Variants in ATAT1 observed in about 807,000 individuals in gnomAD.
The protein encoded by ATAT1 is alpha tubulin acetyltransferase 1.
In ATAT1, 42 loss-of-function variants were observed where a neutral mutation model predicts 57.2. The ratio of observed to expected loss-of-function variants is 0.73; its 90% confidence interval spans 0.57 to 0.95. The LOEUF is 0.95. Among genes scored for constraint, ATAT1 ranks in the 40% least tolerant of loss-of-function variants. The pLI is 0.00. For missense variants in ATAT1, 454 were observed against 523.7 expected (o/e 0.87, Z 1.30); for synonymous variants, 168 against 187.1 (o/e 0.90, Z 0.83).
intron 6 of ATAT1, among the ~76,000 whole-genome samples, 197 bp from the exon 7 acceptor site, chr6:30,640,180 C>G (rs1342988997): frequency 6.6e-6 from 1 of 151,696 alleles, no homozygotes; most frequent in Non-Finnish European, 1.5e-5. Context: ...AGTACAGTAA[C>G]ATGCTGTACA....
intron 10 of ATAT1, chr6:30,644,778 C>G: frequency 7.5e-6 from 3 of 401,918 alleles, no homozygotes; most frequent in Non-Finnish European, 1.0e-5. Flanking sequence ...ATCTTTTACC[C>G]AGGAGCCTCA....
chr6:30,643,877 T>G, intron 10 of ATAT1: 1 of 1,249,724 alleles, frequency 8.0e-7, no homozygotes, highest in Admixed American at 3.6e-5. Flanking sequence ...AAGCACACTC[T>G]TGCTTGCTGT....
intron 6 of ATAT1, among the ~76,000 whole-genome samples, chr6:30,628,832 T>C (rs2127483538): frequency 6.6e-6 from 1 of 152,128 alleles, no homozygotes; most frequent in South Asian, 2.1e-4. Context: ...CTCAAACTCC[T>C]GACCTTGTGA....
intron 6 of ATAT1, among the ~76,000 whole-genome samples, chr6:30,631,281 A>G (rs900760599): frequency 2.6e-4 from 40 of 152,076 alleles, no homozygotes; most frequent in African/African-American, 9.6e-4. Context: ...CAGGAGATCT[A>G]GACCATCCTG....
At chr6:30,628,191 T>C in intron 5 of ATAT1, 46 bp downstream of exon 5, 1 of 1,564,696 alleles carries the variant, frequency 6.4e-7, no homozygotes, top group Non-Finnish European at 8.8e-7. Flanking sequence ...GGGGCTCCTT[T>C]GCCCTGAGCC....
At chr6:30,642,333 C>A in intron 9 of ATAT1, 86 bp downstream of exon 9, 5 of 1,570,348 alleles carry the variant, frequency 3.2e-6, no homozygotes, top group East Asian at 2.3e-5. Context: ...GGAAAGGATT[C>A]GTTCTCTCTA....
In ATAT1 at chr6:30,642,833, G is replaced by GGCCCCCCCCCCCCCCCCCCCCC; in HGVS notation, c.754_755insGCCCCCCCCCCCCCCCCCCCCC (p.Ala252GlyfsTer55). 2.0e-6 allele frequency: 3 copies of GGCCCCCCCCCCCCCCCCCCCCC among 1,537,858 alleles called. No individual in the cohort carries two copies. The highest frequency in any genetic ancestry group is 2.6e-6 in the Non-Finnish European group (3 of 1,145,768). ...GGCCCCTCGCCGCGCCACACCTCCA[G>GGCCCCCCCCCCCCCCCCCCCCC]CCCACCCACCCCCCCGCTCCAGCAG... is the stretch of plus-strand genomic sequence containing the variant. On this transcript the variant is annotated frameshift_variant, in exon 10 of 13. Coordinates refer to ENST00000330083, the MANE Select transcript of ATAT1 (RefSeq NM_001031722.4). LOFTEE classifies it high-confidence loss of function.
chr6:30,630,810 C>T (rs1472681754), intron 6 of ATAT1, among the ~76,000 whole-genome samples: 5 of 145,414 alleles, frequency 3.4e-5, no homozygotes, highest in South Asian at 2.2e-4. Flanking sequence ...TGATGGCGTG[C>T]GCCTGTAATC....
Position 30,627,057 on chromosome 6 carries a change from C to G in ATAT1, c.-147C>G, listed in dbSNP as rs566469727. 2 of 1,548,516 alleles carry G rather than the reference C, an allele frequency of 1.3e-6. No individual in the cohort carries two copies. Among genetic ancestry groups the G allele is most frequent in the South Asian group, 2.4e-5 (2 of 84,684 alleles). The stretch of plus-strand genomic sequence containing the variant: ...TTCCTCTCCAAACCTGGTCCAGGCA[C>G]CACGCCCCCTTCTCACTGACTAGTG... On this transcript the variant is annotated 5_prime_UTR_variant, in exon 1 of 13. Transcript: ENST00000330083.
In ATAT1 at chr6:30,640,569, C is replaced by A. The variant is rs748061988; in HGVS notation, c.582C>A (p.His194Gln). Residue 194 changes from histidine (H) to glutamine (Q), a missense_variant, in exon 8 of 13, where the codon CAC becomes CAA. His to Gln is a conservative substitution (Grantham distance 24, BLOSUM62 0). Around this residue, in one of 3 missense-constraint regions of ATAT1, gnomAD observed 236 missense variants for 284.5 expected, o/e 0.83. Coordinates refer to ENST00000330083, the MANE Select transcript of ATAT1 (RefSeq NM_001031722.4). ...CTCCCTCTCTGAGGGCAACTCGACA[C>A]TCTCGTGCTGCTGCAGTCGATCCCA... 6.2e-7 allele frequency: 1 copy of A among 1,612,910 alleles called. No homozygotes were observed. The highest frequency in any genetic ancestry group is 8.5e-7 in the Non-Finnish European group (1 of 1,180,032).
intron 10 of ATAT1, among the ~76,000 whole-genome samples, chr6:30,645,564 C>G (rs1054743243): frequency 7.9e-5 from 12 of 152,096 alleles, no homozygotes; most frequent in Non-Finnish European, 1.5e-4. Context: ...AAACCAAACA[C>G]CAGAGTACCC....
chr6:30,642,956 C>T lies in ATAT1; in HGVS notation c.877C>T (p.Arg293Cys), dbSNP rs753361191. Residue 293 changes from arginine (R) to cysteine (C), a missense_variant, in exon 10 of 13, where the codon CGC (arginine) becomes TGC (cysteine). Around this residue, in one of 3 missense-constraint regions of ATAT1, gnomAD observed 216 missense variants for 222.2 expected, o/e 0.97. Coordinates refer to ENST00000330083, the MANE Select transcript of ATAT1 (RefSeq NM_001031722.4). Reference sequence around the variant, plus strand: ...CCTCTGCCCCCCACACCCTACCGCCCGCCTTCTGTTGGCTGCTGACCCTGG... The same window carrying T: ...CCTCTGCCCCCCACACCCTACCGCCTGCCTTCTGTTGGCTGCTGACCCTGG... 30 of 1,613,944 alleles carry T rather than the reference C, an allele frequency of 1.9e-5. No homozygotes were observed. In the East Asian group the frequency reaches 2.7e-4, roughly 14 times the overall value.
In ATAT1 at chr6:30,627,711, G is replaced by A; in HGVS notation, c.208G>A (p.Asp70Asn). The A allele has an allele frequency of 6.2e-7, 1 of 1,612,926 alleles. No homozygotes were observed. The highest frequency in any genetic ancestry group is 8.5e-7 in the Non-Finnish European group (1 of 1,179,926). Residue 70 changes from aspartate (D) to asparagine (N), a missense_variant, in exon 3 of 13, where the codon GAC (aspartate) becomes AAC (asparagine). Transcript: ENST00000330083. ...CCGCCATGTTGTTTATATTCTCAAAGACAGTTCAGCCCGACCGTGAGTGCC... is the reference window on the plus strand; with the variant it reads ...CCGCCATGTTGTTTATATTCTCAAAAACAGTTCAGCCCGACCGTGAGTGCC...
At position 30,642,830 on chromosome 6, in the gene ATAT1, C is replaced by CCGGGGGGGGGGG; in HGVS notation, c.752_753insGGGGGGGGGGGC (p.Pro251_Ala252insGlyGlyGlyAla). The stretch of plus-strand genomic sequence containing the variant: ...CAGGGCCCCTCGCCGCGCCACACCT[C>CCGGGGGGGGGGG]CAGCCCACCCACCCCCCCGCTCCAG... On this transcript the variant is annotated inframe_insertion, in exon 10 of 13. Transcript: ENST00000330083. 2 of 1,595,548 alleles carry CCGGGGGGGGGGG rather than the reference C, an allele frequency of 1.3e-6. No homozygotes were observed. Among genetic ancestry groups the CCGGGGGGGGGGG allele is most frequent in the Non-Finnish European group, 1.7e-6 (2 of 1,171,962 alleles).
chr6:30,646,428 T>C, intron 12 of ATAT1, 41 bp from the exon 13 acceptor site: 1 of 1,500,340 alleles, frequency 6.7e-7, no homozygotes, highest in Non-Finnish European at 8.9e-7. Flanking sequence ...ATTTCCTCTT[T>C]AGTATTCCTA....
chr6:30,642,692 C>A (rs898766157), intron 9 of ATAT1, 76 bp from the exon 10 acceptor site: 1 of 968,134 alleles, frequency 1.0e-6, no homozygotes, highest in African/African-American at 1.6e-5. Context: ...TTTTTTTCTA[C>A]CAAAACCTTT....
Position 30,645,986 on chromosome 6 carries a change from C to T in ATAT1, c.1012+12C>T, listed in dbSNP as rs372583047. 42 of 1,595,518 alleles carry T rather than the reference C, an allele frequency of 2.6e-5. No individual in the cohort carries two copies. The highest frequency in any genetic ancestry group is 3.4e-5 in the Non-Finnish European group (40 of 1,170,678). ...ATCCCCCAATACAGGTAAGTATTCA[C>T]TCCTCCCTACCCTCAAATCAAGTAG... On this transcript the variant is annotated intron_variant, in intron 11 of 12. Transcript: ENST00000330083.
chr6:30,639,043 C>T (rs1304029292), intron 6 of ATAT1, among the ~76,000 whole-genome samples: 1 of 152,120 alleles, frequency 6.6e-6, no homozygotes, highest in African/African-American at 2.4e-5. Context: ...TGCAGTGGCA[C>T]GATCTCAGCT....
At chr6:30,638,643 G>A (rs1180340942) in intron 6 of ATAT1, among the ~76,000 whole-genome samples, 8 of 149,488 alleles carry the variant, frequency 5.4e-5, no homozygotes, top group Non-Finnish European at 8.9e-5. Flanking sequence ...TTGCCATCTC[G>A]GCTCACTGCA....
Sources: gnomAD v4.1 joint callset for allele counts (sites outside exome capture counted in the v4.1 genomes callset) on GRCh38, gnomAD v4.1.1 for gene constraint, gnomAD v4.1.1 regional missense constraint, MANE v1.5 for transcripts, NCBI Gene and HGNC (gene_info 2026-07-23, HGNC 2026-07-21) for gene names.